Variants in DNM3 observed in about 807,000 individuals in gnomAD.
DNM3 encodes the protein dynamin-3.
In DNM3, 47 loss-of-function variants were observed where a neutral mutation model predicts 101.6. The ratio of observed to expected loss-of-function variants is 0.46; its 90% CI spans 0.37 to 0.59. The LOEUF is 0.59. Among genes scored for constraint, DNM3 ranks in the 20% least tolerant of loss-of-function variants. The probability of loss-of-function intolerance (pLI) is 0.00; values close to 1 mark genes in which losing one functional copy is unlikely to be tolerated. For missense variants in DNM3, 849 were observed against 1,085.7 expected (o/e 0.78, Z 3.06); for synonymous variants, 385 against 387.9 (o/e 0.99, Z 0.09).
intron 17 of DNM3, among the ~76,000 whole-genome samples, chr1:172,325,850 C>T (rs927241634): frequency 1.3e-5 from 2 of 152,132 alleles, no homozygotes; most frequent in African/African-American, 4.8e-5. Context: ...TGCTATTAAC[C>T]AGACTCTAGA....
At chr1:172,195,937 C>T (rs746440294) in intron 14 of DNM3, among the ~76,000 whole-genome samples, 1 of 151,208 alleles carries the variant, frequency 6.6e-6, no homozygotes, top group Non-Finnish European at 1.5e-5. Flanking sequence ...TTTGGGGGAA[C>T]ATATGAAGGT....
At chr1:172,347,429 G>A (rs894139677) in intron 17 of DNM3, among the ~76,000 whole-genome samples, 1 of 152,038 alleles carries the variant, frequency 6.6e-6, no homozygotes, top group African/African-American at 2.4e-5. Context: ...ATAAAAAGTT[G>A]TTTAATATGT....
chr1:172,216,053 G>A (rs1401224213), intron 14 of DNM3, among the ~76,000 whole-genome samples: 1 of 146,752 alleles, frequency 6.8e-6, no homozygotes, highest in African/African-American at 2.5e-5. Flanking sequence ...GTAGAACAAA[G>A]CTGCAGACAT....
At chr1:172,064,628 G>T (rs140722085) in intron 10 of DNM3, among the ~76,000 whole-genome samples, 109 of 152,114 alleles carry the variant, frequency 7.2e-4, no homozygotes, top group African/African-American at 2.5e-3. Flanking sequence ...CTGTATGTAT[G>T]TATCTTAAGA....
intron 14 of DNM3, among the ~76,000 whole-genome samples, chr1:172,150,011 C>G (rs535851019): frequency 1.3e-5 from 2 of 152,158 alleles, no homozygotes; most frequent in Non-Finnish European, 2.9e-5. Context: ...TTGCGTAATA[C>G]ATAGCACATT....
chr1:172,264,456 C>T (rs961229619), intron 15 of DNM3, among the ~76,000 whole-genome samples: 8 of 152,196 alleles, frequency 5.3e-5, no homozygotes, highest in African/African-American at 1.9e-4. Flanking sequence ...AGGTTATGTT[C>T]CTAATTTGTT....
chr1:172,300,227 T>A (rs925612396), intron 15 of DNM3, among the ~76,000 whole-genome samples: 2 of 151,508 alleles, frequency 1.3e-5, no homozygotes, highest in Non-Finnish European at 2.9e-5. Context: ...TACTTTTTAA[T>A]GGGGTTATTT....
intron 17 of DNM3, among the ~76,000 whole-genome samples, chr1:172,352,809 ATAT>A (rs2067256761): frequency 6.6e-6 from 1 of 152,168 alleles, no homozygotes; most frequent in Non-Finnish European, 1.5e-5. Context: ...TGGAAGACCC[ATAT>A]GCACCACCTG....
At chr1:172,237,434 C>T (rs980954717) in intron 14 of DNM3, among the ~76,000 whole-genome samples, 1 of 152,142 alleles carries the variant, frequency 6.6e-6, no homozygotes, top group South Asian at 2.1e-4. Flanking sequence ...GCTGGTCTTA[C>T]TGAGGGCAGT....
At chr1:172,074,537 A>C (rs1019023418) in intron 11 of DNM3, among the ~76,000 whole-genome samples, 2 of 151,600 alleles carry the variant, frequency 1.3e-5, no homozygotes, top group Non-Finnish European at 2.9e-5. Context: ...TCATTGTTCA[A>C]CTCCCACTTA....
intron 15 of DNM3, among the ~76,000 whole-genome samples, chr1:172,308,229 A>C (rs192864647): frequency 6.6e-6 from 1 of 152,196 alleles, no homozygotes; most frequent in African/African-American, 2.4e-5. Flanking sequence ...ATCTCACCCT[A>C]TTAAACACTG....
intron 10 of DNM3, among the ~76,000 whole-genome samples, chr1:172,062,612 G>A (rs1661567447): frequency 6.6e-6 from 1 of 152,044 alleles, no homozygotes; most frequent in Non-Finnish European, 1.5e-5. Context: ...AGCCCACTTG[G>A]TCCCAGTTCA....
chr1:172,159,180 C>A (rs1311128487), intron 14 of DNM3, among the ~76,000 whole-genome samples: 1 of 151,846 alleles, frequency 6.6e-6, no homozygotes, highest in Non-Finnish European at 1.5e-5. Flanking sequence ...TAATGCCAAG[C>A]TATGCAAAAA....
chr1:172,274,422 T>C (rs1225092401), intron 15 of DNM3, among the ~76,000 whole-genome samples: 1 of 152,042 alleles, frequency 6.6e-6, no homozygotes, highest in Non-Finnish European at 1.5e-5. Context: ...CATAAGCATA[T>C]CCCTTGCTCT....
chr1:172,122,444 C>G (rs992101325), intron 13 of DNM3, among the ~76,000 whole-genome samples: 7 of 152,108 alleles, frequency 4.6e-5, no homozygotes. Flanking sequence ...TTTTAACTGA[C>G]CCAATGTCAC....
intron 18 of DNM3, among the ~76,000 whole-genome samples, chr1:172,383,287 T>TCTAA (rs902287695): frequency 5.6e-4 from 85 of 152,318 alleles, no homozygotes; most frequent in African/African-American, 2.0e-3. Flanking sequence ...GCCTTTTGTG[T>TCTAA]CTAACTTCTT....
chr1:172,087,548 A>G (rs1046763069), intron 12 of DNM3, among the ~76,000 whole-genome samples: 1 of 152,052 alleles, frequency 6.6e-6, no homozygotes, highest in Admixed American at 6.6e-5. Flanking sequence ...TTTAACTTCT[A>G]TGTTGTTCCC....
chr1:171,857,850 G>T (rs2033772764), intron 1 of DNM3, among the ~76,000 whole-genome samples: 1 of 152,184 alleles, frequency 6.6e-6, no homozygotes, highest in East Asian at 1.9e-4. Flanking sequence ...GATTAAAGAG[G>T]TCATAAGGGT....
intron 12 of DNM3, among the ~76,000 whole-genome samples, chr1:172,092,010 A>G (rs904054008): frequency 2.0e-4 from 31 of 152,154 alleles, no homozygotes; most frequent in Admixed American, 2.0e-4. Flanking sequence ...GGAGACAAAG[A>G]TTTTGGCCAA....
Sources: gnomAD v4.1 joint callset for allele counts (sites outside exome capture counted in the v4.1 genomes callset) on GRCh38, gnomAD v4.1.1 for gene constraint, MANE v1.5 for transcripts, NCBI Gene and HGNC (gene_info 2026-07-23, HGNC 2026-07-21) for gene names.